The following GRIP1 variants were observed in gnomAD, a reference collection of about 807,000 sequenced individuals.
GRIP1 encodes the protein glutamate receptor interacting protein 1, also known as glutamate receptor-interacting protein 1.
Under a neutral mutation model 129.9 loss-of-function variants are expected in GRIP1, and 45 were observed. The observed-to-expected ratio is 0.35, with a 90% CI of 0.27 to 0.44. The LOEUF is 0.44. GRIP1 is among the 20% of genes least tolerant of loss of function. The pLI is 1.00. For synonymous variants in GRIP1, 530 were observed against 520.8 expected, an observed-to-expected ratio of 1.02 and a Z score of -0.24; for missense variants, 1,196 against 1,396.8, an observed-to-expected ratio of 0.86 and a Z score of 2.29.
At chr12:66,946,042 CT>C (rs1678876617) in intron 1 of GRIP1, among the ~76,000 whole-genome samples, 1 of 152,216 alleles carries the variant, frequency 6.6e-6, no homozygotes, top group Admixed American at 6.5e-5. Flanking sequence ...AGCTCTTGCA[CT>C]TAGCACAAAG....
intron 1 of GRIP1, among the ~76,000 whole-genome samples, chr12:66,625,079 G>T (rs2029874902): frequency 6.6e-6 from 1 of 151,396 alleles, no homozygotes; most frequent in African/African-American, 2.4e-5. Flanking sequence ...AAGGCAGAAA[G>T]GTCTCAGGAA....
At chr12:66,751,210 T>A (rs2037116225) in intron 1 of GRIP1, among the ~76,000 whole-genome samples, 1 of 152,124 alleles carries the variant, frequency 6.6e-6, no homozygotes, top group African/African-American at 2.4e-5. Flanking sequence ...TTACATTCCA[T>A]CATTGAACAT....
chr12:66,815,820 A>ATTTCTTTCTTTCTTTCTT (rs2039198793), intron 1 of GRIP1, among the ~76,000 whole-genome samples: 1 of 118,568 alleles, frequency 8.4e-6, no homozygotes. Flanking sequence ...AAGATGAAAG[A>ATTTCTTTCTTTCTTTCTT]TTTCTTTCTT....
intron 1 of GRIP1, among the ~76,000 whole-genome samples, chr12:66,742,026 T>G (rs1282059576): frequency 6.6e-6 from 1 of 152,180 alleles, no homozygotes; most frequent in Non-Finnish European, 1.5e-5. Context: ...AGTGTAGAAT[T>G]ATACACCACT....
At chr12:66,721,580 T>G (rs1233799657) in intron 1 of GRIP1, among the ~76,000 whole-genome samples, 3 of 152,210 alleles carry the variant, frequency 2.0e-5, no homozygotes, top group African/African-American at 7.2e-5. Context: ...TATGATTTTT[T>G]GGAATGGTAA....
rs773424384 is a variant in GRIP1 at position 66,394,231 on chromosome 12, G to A, written c.2106C>T (p.Leu702=). The A allele has an allele frequency of 6.2e-7, 1 of 1,614,052 alleles. No homozygotes were observed. Residue 702 remains leucine, a synonymous_variant, in exon 17 of 25, where the codon CTC becomes CTT. Transcript: ENST00000359742. The part of the protein sequence containing the change: ...EPFDPIIISS[L]TKGGLAERTG... Reference sequence around the variant, plus strand: ...ACCTTTCAGCTAATCCCCCTTTAGTGAGGCTTGAAATGATTATAGGATCAA... The same window carrying A: ...ACCTTTCAGCTAATCCCCCTTTAGTAAGGCTTGAAATGATTATAGGATCAA...
chr12:66,816,620 T>A (rs2039223338), intron 1 of GRIP1, among the ~76,000 whole-genome samples: 2 of 152,150 alleles, frequency 1.3e-5, no homozygotes, highest in Non-Finnish European at 2.9e-5. Context: ...ACCACACTGG[T>A]ACATTTTAAG....
intron 1 of GRIP1, among the ~76,000 whole-genome samples, chr12:66,660,941 TA>T (rs1291474181): frequency 6.6e-6 from 1 of 152,068 alleles, no homozygotes; most frequent in African/African-American, 2.4e-5. Context: ...TATACAAATA[TA>T]TATTATACAA....
intron 1 of GRIP1, among the ~76,000 whole-genome samples, chr12:66,789,566 A>C (rs2136845627): frequency 1.9e-5 from 2 of 107,436 alleles, no homozygotes; most frequent in African/African-American, 6.9e-5. Flanking sequence ...TATAATATAC[A>C]AACTTTGCTG....
intron 4 of GRIP1, among the ~76,000 whole-genome samples, chr12:66,538,608 T>C (rs977988030): frequency 6.6e-6 from 1 of 152,096 alleles, no homozygotes; most frequent in African/African-American, 2.4e-5. Context: ...ATGTTGTGTG[T>C]GTTTGTTTTT....
Position 66,392,682 on chromosome 12 carries a change from G to A in GRIP1, c.2264C>T (p.Thr755Ile). ...GCTTTCAATTCACTACTCACCATCTGTCTGTTTCTTAATTTTCAAGGTGAC... is the reference window on the plus strand; with the variant it reads ...GCTTTCAATTCACTACTCACCATCTATCTGTTTCTTAATTTTCAAGGTGAC... ...ETVTLKIKKQ[T>I]DAQSASSPKK... The change falls in exon 18 of 25, where the codon ACA becomes ATA. Residue 755 changes from threonine (T) to isoleucine (I), a missense_variant. Around this residue, in one of 5 missense-constraint regions of GRIP1, gnomAD observed 427 missense variants for 463.3 expected, o/e 0.92. Coordinates refer to ENST00000359742, the MANE Select transcript of GRIP1 (RefSeq NM_001366722.1). 1 of 1,614,078 alleles carries A rather than the reference G, an allele frequency of 6.2e-7. No individual in the cohort carries two copies. The highest frequency in any genetic ancestry group is 8.5e-7 in the Non-Finnish European group (1 of 1,179,934).
intron 1 of GRIP1, among the ~76,000 whole-genome samples, chr12:66,629,407 G>A (rs1278599750): frequency 2.0e-5 from 3 of 152,176 alleles, no homozygotes; most frequent in African/African-American, 7.2e-5. Flanking sequence ...TGAAGCAAAA[G>A]GTGATACAAG....
rs992816551 is a variant in GRIP1 at position 66,757,866 on chromosome 12, G to A, written c.-420+46187C>T. The stretch of plus-strand genomic sequence containing the variant: ...GATCAATGATGTTCAGCACCTTTCA[G>A]GAACTTTTCTCATTGCTTTACATTC... On this transcript the variant is annotated intron_variant, in intron 1 of 4. Transcript: ENST00000538373. Among the ~76,000 whole-genome samples, 3 of 152,048 alleles carry A rather than the reference G, an allele frequency of 2.0e-5. No homozygotes were observed. The East Asian group carries it at 5.8e-4, about 29-fold the overall frequency.
chr12:66,534,795 G>A (rs1383522465), intron 4 of GRIP1, among the ~76,000 whole-genome samples: 1 of 152,132 alleles, frequency 6.6e-6, no homozygotes, highest in Non-Finnish European at 1.5e-5. Flanking sequence ...CCAGGTTCAA[G>A]TGATTCTCCT....
intron 1 of GRIP1, among the ~76,000 whole-genome samples, chr12:66,746,589 C>T (rs561608951): frequency 6.6e-6 from 1 of 152,228 alleles, no homozygotes; most frequent in East Asian, 1.9e-4. Context: ...CCTTTGGTAC[C>T]CTCCTGTTGC....
chr12:66,450,506 T>C (rs903036709), intron 11 of GRIP1, among the ~76,000 whole-genome samples: 10 of 151,250 alleles, frequency 6.6e-5, no homozygotes, highest in Non-Finnish European at 1.2e-4. Context: ...ATGTGAATAT[T>C]ATTAAATTTA....
Position 66,575,590 on chromosome 12 carries a change from G to T in GRIP1, c.136+21257C>A, listed in dbSNP as rs1025046936. ...CCATAATGACAACCACCTTCATCTG[G>T]CCTCCTAGAAAGAATAGATCCTGGA... On this transcript the variant is annotated intron_variant, in intron 2 of 24. Transcript: ENST00000359742. Among the ~76,000 whole-genome samples, 5 of 152,056 alleles carry T rather than the reference G, an allele frequency of 3.3e-5. 2 individuals carry two copies. The South Asian group carries it at 1.0e-3, about 32-fold the overall frequency.
chr12:67,058,971 C>T (rs2043484508), intron 1 of GRIP1, among the ~76,000 whole-genome samples: 2 of 152,144 alleles, frequency 1.3e-5, no homozygotes, highest in Non-Finnish European at 2.9e-5. Flanking sequence ...TTGACGAGTA[C>T]AAAAGGAAAG....
chr12:66,973,405 A>G (rs1030243727), intron 1 of GRIP1, among the ~76,000 whole-genome samples: 4 of 144,372 alleles, frequency 2.8e-5, no homozygotes, highest in Non-Finnish European at 4.5e-5. Context: ...TTGAAGGAAA[A>G]TGTACTTCAA....
Sources: allele counts gnomAD v4.1 joint callset (sites outside exome capture counted in the v4.1 genomes callset), GRCh38; gene constraint gnomAD v4.1.1; regional missense constraint gnomAD v4.1.1; transcripts MANE v1.5; gene names NCBI Gene and HGNC (gene_info 2026-07-23, HGNC 2026-07-21).